Variants in MCTP2 observed in about 807,000 individuals in gnomAD.
The protein encoded by MCTP2 is multiple C2 and transmembrane domain-containing protein 2.
MCTP2 carries 132 observed loss-of-function variants against 111.6 expected under a neutral mutation model. The observed-to-expected ratio is 1.18, with a 90% confidence interval of 1.03 to 1.37. MCTP2 has a LOEUF of 1.37. Among genes scored for constraint, MCTP2 ranks in the 40% most tolerant of loss-of-function variants. The probability of loss-of-function intolerance (pLI) is 0.00; values close to 1 mark genes in which losing one functional copy is unlikely to be tolerated. For synonymous variants in MCTP2, 395 were observed against 387.7 expected (o/e 1.02, Z -0.22); for missense variants, 1,183 against 1,067.9 (o/e 1.11, Z -1.50).
intron 1 of MCTP2, among the ~76,000 whole-genome samples, chr15:94,269,620 A>G (rs940135654): frequency 6.6e-5 from 10 of 152,320 alleles, no homozygotes; most frequent in African/African-American, 2.4e-4. Context: ...GTGATTAGCC[A>G]TTGCTGTAGA....
At chr15:94,238,862 A>G (rs1225300815) in intron 1 of MCTP2, among the ~76,000 whole-genome samples, 4 of 152,188 alleles carry the variant, frequency 2.6e-5, no homozygotes, top group Non-Finnish European at 5.9e-5. Flanking sequence ...TTTGTTAATG[A>G]CAAGTTATTA....
At chr15:94,399,636 A>G (rs943617672) in intron 15 of MCTP2, 1 of 275,628 alleles carries the variant, frequency 3.6e-6, no homozygotes, top group East Asian at 6.5e-5. Flanking sequence ...TTAGTTTGAA[A>G]AATTCATGAA....
intron 1 of MCTP2, among the ~76,000 whole-genome samples, chr15:94,275,879 G>A (rs1474054481): frequency 2.2e-5 from 3 of 137,538 alleles, no homozygotes; most frequent in Admixed American, 7.8e-5. Flanking sequence ...ATGGAGTCTC[G>A]CTCTGTTTCC....
intron 17 of MCTP2, among the ~76,000 whole-genome samples, chr15:94,426,176 G>A (rs994265178): frequency 2.6e-5 from 4 of 151,664 alleles, no homozygotes; most frequent in African/African-American, 9.7e-5. Flanking sequence ...GAGAGAGAAT[G>A]TGTGTGTATG....
intron 20 of MCTP2, among the ~76,000 whole-genome samples, chr15:94,461,486 C>T (rs1441162857): frequency 2.0e-5 from 3 of 151,988 alleles, no homozygotes; most frequent in Non-Finnish European, 4.4e-5. Flanking sequence ...AACCAAAAAC[C>T]ATGCAGCATT....
At chr15:94,443,037 T>C in intron 19 of MCTP2, 77 bp downstream of exon 19, 1 of 1,033,796 alleles carries the variant, frequency 9.7e-7, no homozygotes, top group Non-Finnish European at 1.4e-6. Flanking sequence ...AGGTTGAGTC[T>C]CTCTCCTCTC....
chr15:94,420,711 A>G (rs1018429809), intron 17 of MCTP2, among the ~76,000 whole-genome samples: 2 of 152,186 alleles, frequency 1.3e-5, no homozygotes, highest in Non-Finnish European at 2.9e-5. Context: ...CTTCTTGTGG[A>G]TGAGTCAGGA....
intron 2 of MCTP2, among the ~76,000 whole-genome samples, chr15:94,304,347 C>CGTG: frequency 6.6e-6 from 1 of 152,290 alleles, no homozygotes; most frequent in African/African-American, 2.4e-5. Flanking sequence ...GAGGCTGAGG[C>CGTG]GTGAGAATCG....
intron 20 of MCTP2, among the ~76,000 whole-genome samples, chr15:94,469,411 T>C (rs1457701027): frequency 6.6e-6 from 1 of 152,226 alleles, no homozygotes; most frequent in Non-Finnish European, 1.5e-5. Context: ...GTGAAAATAA[T>C]ACATAGTGTA....
At chr15:94,382,773 C>T (rs1313418227) in intron 12 of MCTP2, among the ~76,000 whole-genome samples, 2 of 152,278 alleles carry the variant, frequency 1.3e-5, no homozygotes, top group Non-Finnish European at 2.9e-5. Flanking sequence ...TGTCCTTGTG[C>T]CCCCAATTAA....
chr15:94,252,467 CTGGAT>C (rs1283926330), intron 1 of MCTP2, among the ~76,000 whole-genome samples: 10 of 152,174 alleles, frequency 6.6e-5, no homozygotes, highest in African/African-American at 2.2e-4. Context: ...ATCAAAAGAT[CTGGAT>C]TCTAGTAATG....
At chr15:94,413,231 A>G (rs979282078) in intron 17 of MCTP2, among the ~76,000 whole-genome samples, 2 of 152,180 alleles carry the variant, frequency 1.3e-5, no homozygotes, top group Non-Finnish European at 2.9e-5. Context: ...TCAGCAATTT[A>G]TTTTTAATTT....
At chr15:94,366,955 G>A (rs139217681) in intron 10 of MCTP2, among the ~76,000 whole-genome samples, 2,384 of 152,298 alleles carry the variant, frequency 0.016, 81 homozygotes, top group South Asian at 0.025. Context: ...GCAATTTATA[G>A]CAGATGGGTA....
intron 1 of MCTP2, among the ~76,000 whole-genome samples, chr15:94,245,114 G>T (rs761435271): frequency 6.7e-6 from 1 of 148,532 alleles, no homozygotes; most frequent in Non-Finnish European, 1.5e-5. Context: ...GTTTATATAT[G>T]TATATGTATA....
At chr15:94,459,458 GTA>G (rs1165551932) in intron 20 of MCTP2, among the ~76,000 whole-genome samples, 3 of 152,072 alleles carry the variant, frequency 2.0e-5, no homozygotes, top group Non-Finnish European at 4.4e-5. Context: ...TAGTAAACGT[GTA>G]TGTTTAAAAA....
At chr15:94,444,610 T>C (rs1458574631) in intron 19 of MCTP2, among the ~76,000 whole-genome samples, 1 of 152,168 alleles carries the variant, frequency 6.6e-6, no homozygotes, top group Admixed American at 6.5e-5. Flanking sequence ...TCTCTCTTGC[T>C]CTGGAGCTAT....
chr15:94,462,352 G>A (rs1321375172), intron 20 of MCTP2, among the ~76,000 whole-genome samples: 1 of 152,228 alleles, frequency 6.6e-6, no homozygotes, highest in Non-Finnish European at 1.5e-5. Flanking sequence ...TCTCATAAGT[G>A]CCTAAGTCAG....
chr15:94,329,428 C>G (rs754033697), intron 4 of MCTP2, among the ~76,000 whole-genome samples: 1 of 152,160 alleles, frequency 6.6e-6, no homozygotes, highest in Non-Finnish European at 1.5e-5. Flanking sequence ...ACGCATGGTT[C>G]CACAGGCTGT....
chr15:94,476,227 C>G (rs1303508841), intron 21 of MCTP2, among the ~76,000 whole-genome samples: 1 of 152,264 alleles, frequency 6.6e-6, no homozygotes, highest in Non-Finnish European at 1.5e-5. Flanking sequence ...GGTCCAGAGC[C>G]TCCAAGCAGG....
Sources: allele counts gnomAD v4.1 joint callset (sites outside exome capture counted in the v4.1 genomes callset), GRCh38; gene constraint gnomAD v4.1.1; transcripts MANE v1.5; gene names NCBI Gene and HGNC (gene_info 2026-07-23, HGNC 2026-07-21).